The following THSD7B variants were observed in gnomAD, a reference collection of about 807,000 sequenced individuals.
THSD7B encodes the protein thrombospondin type-1 domain-containing protein 7B.
Under a neutral mutation model 213.6 loss-of-function variants are expected in THSD7B, and 138 were observed. The observed-to-expected ratio is 0.65, with a 90% CI of 0.56 to 0.74. The LOEUF is 0.74. THSD7B is among the 30% of genes least tolerant of loss of function. THSD7B has a pLI of 0.00. For synonymous variants in THSD7B, 742 were observed against 687.0 expected (o/e 1.08, Z -1.25); for missense variants, 1,931 against 1,991.5 (o/e 0.97, Z 0.58).
chr2:137,467,142 C>A (rs934909565), intron 15 of THSD7B, among the ~76,000 whole-genome samples: 1 of 152,052 alleles, frequency 6.6e-6, no homozygotes, highest in Non-Finnish European at 1.5e-5. Context: ...TTTGCTCAGA[C>A]AAGTGGTTTC....
chr2:136,947,838 G>A (rs1453005345), intron 2 of THSD7B, among the ~76,000 whole-genome samples: 1 of 152,094 alleles, frequency 6.6e-6, no homozygotes, highest in Non-Finnish European at 1.5e-5. Flanking sequence ...TTAAGATTTG[G>A]AAACTTAACA....
intron 12 of THSD7B, among the ~76,000 whole-genome samples, chr2:137,336,509 T>G (rs192827098): frequency 3.9e-5 from 6 of 152,152 alleles, no homozygotes; most frequent in African/African-American, 1.2e-4. Flanking sequence ...TTAAATAACC[T>G]TCTATTCCAT....
chr2:137,035,389 T>G (rs1043937589), intron 2 of THSD7B, among the ~76,000 whole-genome samples: 2 of 152,162 alleles, frequency 1.3e-5, no homozygotes, highest in Non-Finnish European at 2.9e-5. Context: ...AATCTTAATT[T>G]TTTTTGCTAG....
At chr2:137,010,128 G>C (rs1285936986) in intron 2 of THSD7B, among the ~76,000 whole-genome samples, 3 of 152,098 alleles carry the variant, frequency 2.0e-5, no homozygotes, top group Non-Finnish European at 2.9e-5. Context: ...TCATCTCACT[G>C]TGTAGACATC....
chr2:137,657,880 A>G (rs1458189115), intron 24 of THSD7B, among the ~76,000 whole-genome samples: 1 of 152,112 alleles, frequency 6.6e-6, no homozygotes, highest in Non-Finnish European at 1.5e-5. Flanking sequence ...ACGCCCAGCT[A>G]ATTTTTGTGT....
At chr2:136,779,685 C>A (rs1193623913) in intron 1 of THSD7B, among the ~76,000 whole-genome samples, 1 of 152,092 alleles carries the variant, frequency 6.6e-6, no homozygotes, top group Non-Finnish European at 1.5e-5. Flanking sequence ...AAATCAGTTA[C>A]CATGGAATGG....
At chr2:136,767,836 G>A (rs10496755) in intron 1 of THSD7B, among the ~76,000 whole-genome samples, 12,515 of 152,116 alleles carry the variant, frequency 0.082, 625 homozygotes, top group South Asian at 0.19. Context: ...TTCATAATAC[G>A]ATGAGCTCAC....
intron 12 of THSD7B, among the ~76,000 whole-genome samples, chr2:137,366,483 G>A (rs1341075112): frequency 1.3e-5 from 2 of 151,992 alleles, no homozygotes; most frequent in Non-Finnish European, 2.9e-5. Context: ...CTTTTGGGAA[G>A]GATCAAATAA....
At chr2:137,388,128 T>C (rs1685937072) in intron 12 of THSD7B, among the ~76,000 whole-genome samples, 1 of 152,182 alleles carries the variant, frequency 6.6e-6, no homozygotes, top group South Asian at 2.1e-4. Flanking sequence ...CTAAGACAGA[T>C]GATAGTAGAT....
intron 1 of THSD7B, among the ~76,000 whole-genome samples, chr2:136,868,114 G>A (rs201799987): frequency 1.1e-4 from 15 of 138,890 alleles, no homozygotes; most frequent in Middle Eastern, 3.4e-3. Context: ...ACACACACAC[G>A]CGCGCGCACA....
At chr2:137,188,338 G>C (rs1051437877) in intron 7 of THSD7B, among the ~76,000 whole-genome samples, 3 of 152,058 alleles carry the variant, frequency 2.0e-5, no homozygotes, top group African/African-American at 4.8e-5. Context: ...CCTTCTTCTT[G>C]TTCTTATGAA....
In THSD7B at chr2:137,572,442, G is replaced by T. The variant is rs892152913; in HGVS notation, c.3309G>T (p.Val1103=). The T allele has an allele frequency of 6.2e-7, 1 of 1,613,908 alleles. No homozygotes were observed. The highest frequency in any genetic ancestry group is 8.5e-7 in the Non-Finnish European group (1 of 1,179,850). ...CTGCGGATGGTGAAGGTGGAGCAGTGGATAGCAACCTGTGCAACCAGGATG... is the reference window on the plus strand; with the variant it reads ...CTGCGGATGGTGAAGGTGGAGCAGTTGATAGCAACCTGTGCAACCAGGATG... ...VNTADGEGGA[V]DSNLCNQDEI... The change falls in exon 17 of 28, where the codon GTG becomes GTT. Residue 1103 remains valine (V), a synonymous_variant. Coordinates refer to ENST00000409968, the MANE Select transcript of THSD7B (RefSeq NM_001316349.2).
At chr2:137,085,693 A>G (rs1328531423) in intron 3 of THSD7B, among the ~76,000 whole-genome samples, 1 of 152,160 alleles carries the variant, frequency 6.6e-6, no homozygotes, top group African/African-American at 2.4e-5. Context: ...AACACCATAC[A>G]TGAAAATGAA....
intron 7 of THSD7B, among the ~76,000 whole-genome samples, chr2:137,216,499 A>T (rs1405439855): frequency 6.6e-6 from 1 of 152,018 alleles, no homozygotes; most frequent in Non-Finnish European, 1.5e-5. Context: ...AATAAGGGAA[A>T]TGGAACAGAG....
chr2:137,047,363 A>G (rs1337823485), intron 2 of THSD7B, among the ~76,000 whole-genome samples: 2 of 152,190 alleles, frequency 1.3e-5, no homozygotes, highest in African/African-American at 4.8e-5. Flanking sequence ...CTCGATAGAA[A>G]ACAATATTGT....
chr2:137,094,979 C>T lies in THSD7B; in HGVS notation c.1057C>T (p.Arg353Cys), dbSNP rs535490592. 1.3e-5 allele frequency: 21 copies of T among 1,613,692 alleles called. No individual in the cohort carries two copies. Among genetic ancestry groups the T allele is most frequent in the South Asian group, 5.5e-5 (5 of 91,084 alleles). ...SSWSPCSKTC[R>C]SGSLLPGFRS... Reference sequence around the variant, plus strand: ...CTGGAGCCCCTGCTCCAAGACATGCCGTTCAGGGAGTCTCTTGCCAGGATT... The same window carrying T: ...CTGGAGCCCCTGCTCCAAGACATGCTGTTCAGGGAGTCTCTTGCCAGGATT... Residue 353 changes from arginine to cysteine, a missense_variant, in exon 4 of 28, where the codon CGT becomes TGT. Physicochemically the swap from Arg to Cys is radical, Grantham distance 180. Coordinates refer to ENST00000409968, the MANE Select transcript of THSD7B (RefSeq NM_001316349.2).
chr2:137,397,343 C>G (rs1213226571), intron 12 of THSD7B, among the ~76,000 whole-genome samples: 3 of 151,932 alleles, frequency 2.0e-5, no homozygotes, highest in Middle Eastern at 3.2e-3. Context: ...TTCAGGAGCT[C>G]TTTTAGGGCA....
At chr2:137,477,479 G>A (rs979481696) in intron 15 of THSD7B, among the ~76,000 whole-genome samples, 2 of 151,702 alleles carry the variant, frequency 1.3e-5, no homozygotes, top group African/African-American at 2.4e-5. Flanking sequence ...TCTTTTAAGT[G>A]TAAATTTTAA....
chr2:137,553,291 A>G (rs1680885893), intron 15 of THSD7B, among the ~76,000 whole-genome samples: 1 of 152,070 alleles, frequency 6.6e-6, no homozygotes, highest in South Asian at 2.1e-4. Flanking sequence ...TAAATTTTCT[A>G]TTTTTTTAAT....
Sources: gnomAD v4.1 joint callset for allele counts (sites outside exome capture counted in the v4.1 genomes callset) on GRCh38, gnomAD v4.1.1 for gene constraint, MANE v1.5 for transcripts, NCBI Gene and HGNC (gene_info 2026-07-23, HGNC 2026-07-21) for gene names.